Variants in STAG1 observed in about 807,000 individuals in gnomAD.
STAG1 encodes the protein cohesin subunit SA-1.
In STAG1, 26 loss-of-function variants were observed where a neutral mutation model predicts 170.9. That is an observed-to-expected ratio of 0.15 (90% confidence interval 0.11 to 0.21). The LOEUF is 0.21. Ranked by LOEUF, STAG1 falls within the 10% of genes least tolerant of loss-of-function variation. The probability of loss-of-function intolerance (pLI) is 1.00; values close to 1 mark genes in which losing one functional copy is unlikely to be tolerated. For synonymous variants in STAG1, 514 were observed against 497.7 expected (o/e 1.03, Z -0.44); for missense variants, 964 against 1,509.5 (o/e 0.64, Z 5.99).
At chr3:136,751,364 T>G (rs1477770170) in intron 1 of STAG1, among the ~76,000 whole-genome samples, 1 of 152,104 alleles carries the variant, frequency 6.6e-6, no homozygotes, top group African/African-American at 2.4e-5. Context: ...AAGAACCCAG[T>G]TCGGACCCTG....
intron 31 of STAG1, among the ~76,000 whole-genome samples, chr3:136,341,049 T>C (rs908998652): frequency 4.6e-5 from 7 of 152,180 alleles, no homozygotes; most frequent in Admixed American, 3.9e-4. Flanking sequence ...GCTGGGATTA[T>C]AGGCGCCCAC....
intron 5 of STAG1, among the ~76,000 whole-genome samples, chr3:136,547,734 T>TCATC (rs908284907): frequency 7.2e-5 from 11 of 152,352 alleles, no homozygotes; most frequent in South Asian, 6.2e-4. Flanking sequence ...ATTTATCCAT[T>TCATC]CATCCATCCA....
intron 11 of STAG1, 51 bp downstream of exon 11, chr3:136,473,488 T>A (rs113732482): frequency 3.0e-6 from 4 of 1,347,774 alleles, no homozygotes; most frequent in East Asian, 4.7e-5. Context: ...TAGCTGTAAC[T>A]AGCATTTGTA....
chr3:136,591,095 T>A (rs1478768470), intron 4 of STAG1, among the ~76,000 whole-genome samples: 1 of 151,334 alleles, frequency 6.6e-6, no homozygotes, highest in Non-Finnish European at 1.5e-5. Flanking sequence ...ATTAAGAAAG[T>A]TGCTGCAAAA....
chr3:136,450,863 C>T (rs2088915960), intron 14 of STAG1, among the ~76,000 whole-genome samples: 1 of 152,080 alleles, frequency 6.6e-6, no homozygotes, highest in African/African-American at 2.4e-5. Context: ...ATTCTTGTGT[C>T]TCAGACTCTT....
At chr3:136,440,185 T>C (rs2088590256) in intron 15 of STAG1, among the ~76,000 whole-genome samples, 4 of 152,178 alleles carry the variant, frequency 2.6e-5, no homozygotes, top group Admixed American at 2.6e-4. Context: ...TCACCCAGGC[T>C]GAAGGGCAGT....
In STAG1 at chr3:136,464,936, C is replaced by T; in HGVS notation, c.1258G>A (p.Val420Met). The T allele has an allele frequency of 6.2e-7, 1 of 1,612,982 alleles. No homozygotes were observed. Among genetic ancestry groups the T allele is most frequent in the Non-Finnish European group, 8.5e-7 (1 of 1,179,558 alleles). ...NEDCENVYHL[V>M]YSAHRPVAVA... The stretch of plus-strand genomic sequence containing the variant: ...GCAACAGGGCGATGTGCCGAGTACA[C>T]CAAGTGGTAAACATTTTCACAGTCT... The change falls in exon 13 of 34, where the codon GTG becomes ATG. Residue 420 changes from valine (V) to methionine (M), a missense_variant. Coordinates refer to ENST00000383202, the MANE Select transcript of STAG1 (RefSeq NM_005862.3).
chr3:136,503,486 TTCTG>T (rs1273215908), intron 7 of STAG1, among the ~76,000 whole-genome samples: 1 of 152,192 alleles, frequency 6.6e-6, no homozygotes, highest in Non-Finnish European at 1.5e-5. Flanking sequence ...AACCTCAAAC[TTCTG>T]TCTGTTCATA....
At chr3:136,430,067 T>A (rs562139103) in intron 16 of STAG1, 4 of 152,342 alleles carry the variant, frequency 2.6e-5, no homozygotes, top group South Asian at 4.1e-4. Context: ...GTGAATTTTT[T>A]AAATTTTAAG....
intron 1 of STAG1, among the ~76,000 whole-genome samples, chr3:136,641,624 C>A (rs1204443062): frequency 6.6e-6 from 1 of 152,152 alleles, no homozygotes; most frequent in Non-Finnish European, 1.5e-5. Flanking sequence ...TCAAAAGTGT[C>A]AAGGTCATGA....
intron 5 of STAG1, among the ~76,000 whole-genome samples, chr3:136,559,728 C>A (rs2107749629): frequency 6.6e-6 from 1 of 152,320 alleles, no homozygotes; most frequent in Non-Finnish European, 1.5e-5. Context: ...AACTTGCAAT[C>A]TCAACATCTG....
At chr3:136,640,299 T>C (rs1940740172) in intron 1 of STAG1, among the ~76,000 whole-genome samples, 1 of 152,300 alleles carries the variant, frequency 6.6e-6, no homozygotes, top group Admixed American at 6.5e-5. Flanking sequence ...TAATTTTGTG[T>C]GGTTACTTTA....
At chr3:136,523,654 C>T (rs1003399704) in intron 6 of STAG1, among the ~76,000 whole-genome samples, 11 of 152,172 alleles carry the variant, frequency 7.2e-5, no homozygotes, top group South Asian at 4.1e-4. Flanking sequence ...GTGTTTTAGA[C>T]GTGAAGTCCT....
At chr3:136,585,433 C>CTCCA (rs1348505136) in intron 4 of STAG1, among the ~76,000 whole-genome samples, 2 of 151,982 alleles carry the variant, frequency 1.3e-5, no homozygotes, top group African/African-American at 4.8e-5. Context: ...CAGAGTGAGA[C>CTCCA]TCCATCTCAA....
intron 5 of STAG1, among the ~76,000 whole-genome samples, chr3:136,551,933 G>A (rs1255696724): frequency 6.6e-6 from 1 of 151,968 alleles, no homozygotes; most frequent in Non-Finnish European, 1.5e-5. Flanking sequence ...CACTGAGAGA[G>A]AGAGAGGCTG....
At chr3:136,469,964 C>T (rs1298336849) in intron 12 of STAG1, among the ~76,000 whole-genome samples, 2 of 152,216 alleles carry the variant, frequency 1.3e-5, no homozygotes, top group Admixed American at 1.3e-4. Flanking sequence ...CCCTTCCTTA[C>T]ACCTTATAGA....
intron 7 of STAG1, among the ~76,000 whole-genome samples, chr3:136,520,885 T>C (rs1259800718): frequency 6.6e-6 from 1 of 152,080 alleles, no homozygotes; most frequent in Non-Finnish European, 1.5e-5. Context: ...ATACAATAAA[T>C]TTGGAATTTC....
rs73863626 is a variant in STAG1, at chr3:136,512,592, G to T, written c.676+8621C>A. 2.4e-3 allele frequency among the ~76,000 whole-genome samples: 367 copies of T among 152,286 alleles called. 2 individuals carry two copies. Among genetic ancestry groups the T allele is most frequent in the African/African-American group, 8.7e-3 (360 of 41,564 alleles). ...ATGTGTGTGATTATGTTTGGTTTGT[G>T]TGAGTGCCCTGAGTGTTTCTTCATT... is the stretch of plus-strand genomic sequence containing the variant. On this transcript the variant is annotated intron_variant, in intron 7 of 33. Coordinates refer to ENST00000383202, the MANE Select transcript of STAG1 (RefSeq NM_005862.3).
At chr3:136,497,499 A>T (rs569497366) in intron 9 of STAG1, among the ~76,000 whole-genome samples, 1 of 152,146 alleles carries the variant, frequency 6.6e-6, no homozygotes, top group Admixed American at 6.5e-5. Context: ...AGATTTGACA[A>T]AATCCAAGAT....
Sources: gnomAD v4.1 joint callset for allele counts (sites outside exome capture counted in the v4.1 genomes callset) on GRCh38, gnomAD v4.1.1 for gene constraint, MANE v1.5 for transcripts, NCBI Gene and HGNC (gene_info 2026-07-23, HGNC 2026-07-21) for gene names.